F13A1: variants seen among roughly 807,000 people sequenced by gnomAD.
The protein encoded by F13A1 is FSF, A subunit.
A neutral mutation model predicts 80.1 loss-of-function variants in F13A1; 47 were observed. That is an observed-to-expected ratio of 0.59 (90% CI 0.46 to 0.75). The LOEUF (loss-of-function observed/expected upper bound fraction) is 0.75. F13A1 is among the 30% of genes least tolerant of loss of function. The pLI is 0.00. For synonymous variants in F13A1, 349 were observed against 344.9 expected, an observed-to-expected ratio of 1.01 and a Z score of -0.13; for missense variants, 817 against 930.4, an observed-to-expected ratio of 0.88 and a Z score of 1.59.
At chr6:6,163,452 T>C (rs1760607770) in intron 13 of F13A1, among the ~76,000 whole-genome samples, 1 of 152,144 alleles carries the variant, frequency 6.6e-6, no homozygotes, top group South Asian at 2.1e-4. Context: ...CTAGTAGCCA[T>C]TAGTTATTTT....
chr6:6,294,114 G>T (rs1477914254), intron 3 of F13A1, among the ~76,000 whole-genome samples: 1 of 136,274 alleles, frequency 7.3e-6, no homozygotes, highest in African/African-American at 3.5e-5. Flanking sequence ...TAAAAAAAAA[G>T]TTTTTTTAAG....
At position 6,297,632 on chromosome 6, in the gene F13A1, C is replaced by T. The variant is rs1165403999; in HGVS notation, c.319+7719G>A. Among the ~76,000 whole-genome samples the T allele has an allele frequency of 1.1e-4, 16 of 149,328 alleles. 2 individuals are homozygous for T. Among genetic ancestry groups the T allele is most frequent in the African/African-American group, 4.1e-4 (16 of 38,922 alleles). The stretch of plus-strand genomic sequence containing the variant: ...TTTTTATTGTGTCTATTTGATTCTT[C>T]TCTCTTTTTTTCTTTATTAGTCTTG... On this transcript the variant is annotated intron_variant, in intron 3 of 14. Transcript: ENST00000264870.
intron 2 of F13A1, chr6:6,305,759 A>G: frequency 3.6e-6 from 2 of 550,898 alleles, no homozygotes; most frequent in Non-Finnish European, 3.3e-6. Flanking sequence ...TCCACCTTTG[A>G]TCTCGTTTCA....
At chr6:6,274,554 T>C (rs1022099696) in intron 3 of F13A1, among the ~76,000 whole-genome samples, 1 of 152,154 alleles carries the variant, frequency 6.6e-6, no homozygotes, top group African/African-American at 2.4e-5. Flanking sequence ...AGTAAGAACA[T>C]AACATGAACT....
At chr6:6,241,496 T>A (rs1406276911) in intron 6 of F13A1, among the ~76,000 whole-genome samples, 1 of 152,164 alleles carries the variant, frequency 6.6e-6, no homozygotes, top group African/African-American at 2.4e-5. Context: ...TAATCATGAT[T>A]TGTTTTGATA....
chr6:6,288,928 A>G (rs891098677), intron 3 of F13A1, among the ~76,000 whole-genome samples: 1 of 152,184 alleles, frequency 6.6e-6, no homozygotes, highest in African/African-American at 2.4e-5. Context: ...TCCATAAGCC[A>G]GTTGGCCATT....
In F13A1 at chr6:6,157,845, A is replaced by G. The variant is rs191934046; in HGVS notation, c.1909-5896T>C. ...AAGATTCAAAAAAATAGCAAACATG[A>G]AATGCACAGAGCAAATTATGTTTTA... On this transcript the variant is annotated intron_variant, in intron 13 of 14. Coordinates refer to ENST00000264870, the MANE Select transcript of F13A1 (RefSeq NM_000129.4). Among the ~76,000 whole-genome samples the G allele has an allele frequency of 2.0e-3, 307 of 152,344 alleles. 1 individual carries two copies. Among genetic ancestry groups the G allele is most frequent in the Non-Finnish European group, 3.4e-3 (231 of 68,034 alleles).
At chr6:6,237,355 C>T (rs779430488) in intron 6 of F13A1, among the ~76,000 whole-genome samples, 1 of 152,090 alleles carries the variant, frequency 6.6e-6, no homozygotes, top group Non-Finnish European at 1.5e-5. Flanking sequence ...AATTCTATTT[C>T]TTCCCTTGCC....
chr6:6,206,538 C>T (rs1375821624), intron 8 of F13A1: 1 of 490,822 alleles, frequency 2.0e-6, no homozygotes, highest in South Asian at 1.5e-5. Context: ...TCAAGTGAGA[C>T]TTGAGTGGAA....
At position 6,151,819 on chromosome 6, in the gene F13A1, ATCT is replaced by A. The variant is rs1217592739; in HGVS notation, c.2036_2038del (p.Lys679del). 7 of 1,613,948 alleles carry A rather than the reference ATCT, an allele frequency of 4.3e-6. No individual in the cohort carries two copies. Among genetic ancestry groups the A allele is most frequent in the African/African-American group, 1.3e-5 (1 of 74,906 alleles). ...TCCCCAACCCAAGGTTTACCGGAAC[ATCT>A]TCTTCATTGGTCTTGTTACTCCAGG... On this transcript the variant is annotated inframe_deletion, in exon 14 of 15. Coordinates refer to ENST00000264870, the MANE Select transcript of F13A1 (RefSeq NM_000129.4).
intron 10 of F13A1, among the ~76,000 whole-genome samples, chr6:6,188,092 T>C (rs529448186): frequency 9.2e-5 from 14 of 152,186 alleles, no homozygotes; most frequent in East Asian, 7.7e-4. Flanking sequence ...TTTTTTATTG[T>C]GTCTATTTGA....
At chr6:6,237,373 T>A (rs986201165) in intron 6 of F13A1, among the ~76,000 whole-genome samples, 2 of 152,178 alleles carry the variant, frequency 1.3e-5, no homozygotes, top group African/African-American at 4.8e-5. Flanking sequence ...GCCTGGCTCT[T>A]CATCCTTGAT....
At position 6,280,615 on chromosome 6, in the gene F13A1, G is replaced by A. The variant is rs79042732; in HGVS notation, c.320-13806C>T. Among the ~76,000 whole-genome samples, 219 of 152,276 alleles carry A rather than the reference G, an allele frequency of 1.4e-3. 1 individual carries two copies. The highest frequency in any genetic ancestry group is 2.2e-3 in the Non-Finnish European group (147 of 68,026). On this transcript the variant is annotated intron_variant, in intron 3 of 14. Coordinates refer to ENST00000264870, the MANE Select transcript of F13A1 (RefSeq NM_000129.4). ...ATAGATAAACAATACAGGAGACCAC[G>A]GATGTAGCTGAAACACAGGGATGTA...
intron 14 of F13A1, among the ~76,000 whole-genome samples, chr6:6,148,016 A>G (rs1269001973): frequency 6.6e-6 from 1 of 152,192 alleles, no homozygotes; most frequent in Non-Finnish European, 1.5e-5. Context: ...GCAACTGCCC[A>G]TGGTTTGTCC....
intron 3 of F13A1, chr6:6,305,111 C>G (rs1426881702): frequency 1.7e-5 from 10 of 574,318 alleles, no homozygotes; most frequent in Admixed American, 1.7e-4. Flanking sequence ...TTAAGCAACA[C>G]ATTATACCAG....
rs767366866 is a variant in F13A1 at position 6,318,557 on chromosome 6, C to T, written c.108G>A (p.Val36=). The part of the protein sequence containing the change: ...DLPTVELQGV[V]PRGVNLQEFL... ...TACCTTGCAGGTTGACGCCCCGGGG[C>T]ACCACGCCCTGAAGCTCCACTGTGG... Residue 36 remains valine, a synonymous_variant, in exon 2 of 15, where the codon GTG becomes GTA. Transcript: ENST00000264870. The T allele has an allele frequency of 7.4e-6, 12 of 1,613,692 alleles. No homozygotes were observed. Among genetic ancestry groups the T allele is most frequent in the Admixed American group, 6.7e-5 (4 of 59,968 alleles).
intron 6 of F13A1, among the ~76,000 whole-genome samples, chr6:6,226,743 A>G (rs551162140): frequency 1.1e-4 from 17 of 152,362 alleles, no homozygotes; most frequent in Middle Eastern, 3.4e-3. Context: ...AATCACTTAT[A>G]TAGTCAACAA....
chr6:6,162,281 G>A lies in F13A1; in HGVS notation c.1908+5177C>T, dbSNP rs576005997. 1.2e-4 allele frequency among the ~76,000 whole-genome samples: 19 copies of A among 152,196 alleles called. No homozygotes were observed. The highest frequency in any genetic ancestry group is 2.6e-4 in the Admixed American group (4 of 15,300). Reference sequence around the variant, plus strand: ...CCAGCCTCCACCCCAGCCAAGGCACGCTTCTCACTGCTCTACATACTGCCG... The same window carrying A: ...CCAGCCTCCACCCCAGCCAAGGCACACTTCTCACTGCTCTACATACTGCCG... On this transcript the variant is annotated intron_variant, in intron 13 of 14. Coordinates refer to ENST00000264870, the MANE Select transcript of F13A1 (RefSeq NM_000129.4). The surrounding 1 kb of genome is among the most constrained non-coding windows in gnomAD (Gnocchi z 4.2).
chr6:6,242,485 G>A (rs1432199989), intron 6 of F13A1, among the ~76,000 whole-genome samples: 1 of 152,154 alleles, frequency 6.6e-6, no homozygotes, highest in Non-Finnish European at 1.5e-5. Flanking sequence ...GATGGCAGCA[G>A]TACAAACACT....
Sources: gnomAD v4.1 joint callset for allele counts (sites outside exome capture counted in the v4.1 genomes callset) on GRCh38, gnomAD v4.1.1 for gene constraint, Gnocchi (gnomAD v3.1) non-coding constraint, MANE v1.5 for transcripts, NCBI Gene and HGNC (gene_info 2026-07-23, HGNC 2026-07-21) for gene names.